Variants in CAPN5 observed in about 807,000 individuals in gnomAD.
CAPN5 encodes the protein calpain-5.
A neutral mutation model predicts 73.0 loss-of-function variants in CAPN5; 54 were observed. The ratio of observed to expected loss-of-function variants is 0.74; its 90% confidence interval spans 0.59 to 0.93. CAPN5 has a LOEUF of 0.93. Ranked by LOEUF, CAPN5 falls within the 40% of genes least tolerant of loss-of-function variation. CAPN5 has a pLI of 0.00. For synonymous variants in CAPN5, 335 were observed against 356.9 expected (o/e 0.94, Z 0.69); for missense variants, 785 against 882.9 (o/e 0.89, Z 1.41).
At chr11:77,117,891 A>G (rs1950483972) in intron 7 of CAPN5, among the ~76,000 whole-genome samples, 1 of 152,196 alleles carries the variant, frequency 6.6e-6, no homozygotes, top group Non-Finnish European at 1.5e-5. Flanking sequence ...CTTTGATTGC[A>G]TTACCTAATT....
intron 4 of CAPN5, 134 bp downstream of exon 4, chr11:77,112,931 C>G: frequency 1.2e-6 from 1 of 828,890 alleles, no homozygotes; most frequent in African/African-American, 1.7e-5. Context: ...GCAGCAGGCT[C>G]AACCGCCAGG....
chr11:77,116,360 C>A, intron 7 of CAPN5, 57 bp downstream of exon 7: 4 of 1,390,726 alleles, frequency 2.9e-6, no homozygotes, highest in African/African-American at 1.4e-5. Context: ...ACGGGCCTGG[C>A]GGGGAGCACC....
Position 77,075,401 on chromosome 11 carries a change from G to T in CAPN5, c.-36+8307G>T, listed in dbSNP as rs1949958786. Among the ~76,000 whole-genome samples the T allele has an allele frequency of 2.0e-5, 3 of 152,186 alleles. 1 individual carries two copies. The South Asian group carries it at 6.2e-4, about 31-fold the overall frequency. ...GCTCCAAGTGTTGAGACACTCTTGA[G>T]TGTCAAGTCCGCAAGCGTCCTGAGA... On this transcript the variant is annotated intron_variant, in intron 1 of 12. Coordinates refer to ENST00000648180, the MANE Select transcript of CAPN5 (RefSeq NM_004055.5).
intron 1 of CAPN5, among the ~76,000 whole-genome samples, chr11:77,079,787 G>GTT (rs1555034384): frequency 6.9e-6 from 1 of 144,818 alleles, no homozygotes; most frequent in African/African-American, 2.8e-5. Flanking sequence ...TTGAGATTGT[G>GTT]TGTGTGTGTG....
intron 9 of CAPN5, chr11:77,120,281 C>A (rs1243708054): frequency 6.5e-6 from 1 of 154,300 alleles, no homozygotes; most frequent in Non-Finnish European, 1.4e-5. Context: ...CGTCCAGCTT[C>A]AAGTGTTCCT....
intron 1 of CAPN5, among the ~76,000 whole-genome samples, chr11:77,081,291 C>A (rs1213923543): frequency 6.6e-6 from 1 of 152,212 alleles, no homozygotes; most frequent in Non-Finnish European, 1.5e-5. Context: ...GTTCCCTTTG[C>A]CTGGAATGGC....
chr11:77,073,951 T>TC (rs1169984627), intron 1 of CAPN5, among the ~76,000 whole-genome samples: 1 of 151,866 alleles, frequency 6.6e-6, no homozygotes, highest in African/African-American at 2.4e-5. Context: ...ACATTCTCCC[T>TC]CCCCACCCTG....
chr11:77,097,836 G>A (rs1950228827), intron 3 of CAPN5, among the ~76,000 whole-genome samples: 1 of 87,558 alleles, frequency 1.1e-5, no homozygotes, highest in Non-Finnish European at 2.1e-5. Flanking sequence ...CTTTCTTAGT[G>A]CAGAACAAAA....
intron 7 of CAPN5, 128 bp from the exon 8 acceptor site, chr11:77,118,029 C>A: frequency 7.7e-6 from 6 of 778,326 alleles, no homozygotes; most frequent in Non-Finnish European, 1.2e-5. Context: ...GGGCTTAGCT[C>A]CCCTCTCAAA....
intron 1 of CAPN5, among the ~76,000 whole-genome samples, chr11:77,078,942 A>G (rs1555034258): frequency 6.6e-6 from 1 of 152,066 alleles, no homozygotes; most frequent in East Asian, 1.9e-4. Flanking sequence ...TATTTTGTTC[A>G]GAATTTTTAT....
At chr11:77,096,252 A>G (rs1369457354) in intron 3 of CAPN5, among the ~76,000 whole-genome samples, 2 of 151,876 alleles carry the variant, frequency 1.3e-5, no homozygotes, top group Admixed American at 6.6e-5. Flanking sequence ...ACACGCCCCC[A>G]ACACACACGC....
chr11:77,097,002 C>A (rs978672448), intron 3 of CAPN5, among the ~76,000 whole-genome samples: 1 of 152,092 alleles, frequency 6.6e-6, no homozygotes, highest in Non-Finnish European at 1.5e-5. Context: ...GTGGGCGGAT[C>A]ACGAGGTCAG....
intron 1 of CAPN5, among the ~76,000 whole-genome samples, chr11:77,078,927 A>G (rs1481441161): frequency 6.6e-6 from 1 of 152,028 alleles, no homozygotes; most frequent in Non-Finnish European, 1.5e-5. Context: ...TATTCCTTCT[A>G]TACCTATTTT....
Position 77,124,095 on chromosome 11 carries a change from G to T in CAPN5, c.*225G>T, listed in dbSNP as rs782222380. The T allele has an allele frequency of 3.5e-6, 2 of 569,342 alleles. No individual in the cohort carries two copies. The highest frequency in any genetic ancestry group is 3.2e-5 in the Admixed American group (1 of 31,014). 35.3% of individuals were successfully genotyped at this position (569,342 alleles called of 1,614,324 possible). On this transcript the variant is annotated 3_prime_UTR_variant, in exon 13 of 13. Coordinates refer to ENST00000648180, the MANE Select transcript of CAPN5 (RefSeq NM_004055.5). ...AGTTTCCTTGCTGAGATTTCAAATAGTCCTCCCCACCTCAACTGTCACCAC... is the reference window on the plus strand; with the variant it reads ...AGTTTCCTTGCTGAGATTTCAAATATTCCTCCCCACCTCAACTGTCACCAC...
chr11:77,122,676 C>T lies in CAPN5; in HGVS notation c.1704C>T (p.Phe568=), dbSNP rs782090508. ...CAGAGTACAATGTGAAAGGCATCTT[C>T]TACCGCAAGAAGCTGAGCCAGCCCA... is the stretch of plus-strand genomic sequence containing the variant. ...STPEYNVKGI[F]YRKKLSQPIT... is the part of the protein sequence containing the mutation. The change falls in exon 12 of 13, where the codon TTC becomes TTT. Residue 568 remains phenylalanine, a synonymous_variant. Coordinates refer to ENST00000648180, the MANE Select transcript of CAPN5 (RefSeq NM_004055.5). 10 of 1,613,782 alleles carry T rather than the reference C, an allele frequency of 6.2e-6. No homozygotes were observed. The highest frequency in any genetic ancestry group is 8.5e-6 in the Non-Finnish European group (10 of 1,179,964).
intron 3 of CAPN5, among the ~76,000 whole-genome samples, chr11:77,107,677 T>C (rs1950365916): frequency 6.6e-6 from 1 of 152,202 alleles, no homozygotes; most frequent in Admixed American, 6.5e-5. Flanking sequence ...GGGCCCATTC[T>C]GCCGTGGGTG....
At chr11:77,077,340 G>C (rs2135412320) in intron 1 of CAPN5, among the ~76,000 whole-genome samples, 1 of 152,168 alleles carries the variant, frequency 6.6e-6, no homozygotes, top group Non-Finnish European at 1.5e-5. Context: ...CTGGGCGACA[G>C]AGCGAGACTC....
At chr11:77,075,901 C>T (rs1949963930) in intron 1 of CAPN5, among the ~76,000 whole-genome samples, 2 of 152,166 alleles carry the variant, frequency 1.3e-5, no homozygotes, top group African/African-American at 4.8e-5. Context: ...ATGAGTTATG[C>T]AGGCTTTGCT....
chr11:77,110,030 C>T (rs1030661607), intron 3 of CAPN5, among the ~76,000 whole-genome samples: 4 of 152,070 alleles, frequency 2.6e-5, no homozygotes, highest in African/African-American at 4.8e-5. Flanking sequence ...TCACTCTGTG[C>T]GCTTGGGCAG....
Sources: gnomAD v4.1 joint callset for allele counts (sites outside exome capture counted in the v4.1 genomes callset) on GRCh38, gnomAD v4.1.1 for gene constraint, MANE v1.5 for transcripts, NCBI Gene and HGNC (gene_info 2026-07-23, HGNC 2026-07-21) for gene names.